Variants in SH3RF2 observed in about 807,000 individuals in gnomAD.
The protein encoded by SH3RF2 is SH3 domain containing ring finger 2.
In SH3RF2, 43 loss-of-function variants were observed where a neutral mutation model predicts 59.0. The observed-to-expected ratio is 0.73, with a 90% CI of 0.57 to 0.94. The LOEUF is 0.94. Among genes scored for constraint, SH3RF2 ranks in the 40% least tolerant of loss-of-function variants. SH3RF2 has a pLI of 0.00. For missense variants in SH3RF2, 930 were observed against 940.1 expected (o/e 0.99, Z 0.14); for synonymous variants, 391 against 391.5 (o/e 1.00, Z 0.01).
At chr5:146,021,792 G>C (rs962846517) in intron 5 of SH3RF2, among the ~76,000 whole-genome samples, 1 of 152,104 alleles carries the variant, frequency 6.6e-6, no homozygotes, top group Non-Finnish European at 1.5e-5. Context: ...GAGAAACCAT[G>C]GCAGTCTTAG....
chr5:146,070,728 A>C (rs1159020130), intron 9 of SH3RF2, among the ~76,000 whole-genome samples: 3 of 152,202 alleles, frequency 2.0e-5, no homozygotes, highest in African/African-American at 7.2e-5. Flanking sequence ...ATCTTCTTCC[A>C]GTGTTCCTTG....
intron 5 of SH3RF2, among the ~76,000 whole-genome samples, chr5:146,026,950 C>CTGT (rs1191699475): frequency 6.6e-6 from 1 of 152,188 alleles, no homozygotes; most frequent in East Asian, 1.9e-4. Context: ...AATGTTCACT[C>CTGT]TGTTGTTATT....
Position 145,997,221 on chromosome 5 carries a change from G to A in SH3RF2, c.379-2837G>A, listed in dbSNP as rs530580636. On this transcript the variant is annotated intron_variant, in intron 2 of 9. Transcript: ENST00000359120. ...CAGATTTTCACCCTGCTAGTAGATGGGAAAACTGACAACCATGCCTGCAAG... is the reference window on the plus strand; with the variant it reads ...CAGATTTTCACCCTGCTAGTAGATGAGAAAACTGACAACCATGCCTGCAAG... 3.2e-5 allele frequency: 28 copies of A among 883,538 alleles called. No homozygotes were observed. In the Admixed American group the frequency reaches 4.0e-4, roughly 13 times the overall value. 54.7% of individuals were successfully genotyped at this position (883,538 alleles called of 1,614,324 possible). A position where few individuals can be genotyped will look rare whatever the true frequency, so the allele number is the denominator to read the frequency against.
At chr5:145,956,535 C>A (rs1021500264) in intron 2 of SH3RF2, among the ~76,000 whole-genome samples, 6 of 152,200 alleles carry the variant, frequency 3.9e-5, no homozygotes, top group Non-Finnish European at 7.3e-5. Context: ...CTCAGCCCCC[C>A]AAAGTGCTGG....
intron 2 of SH3RF2, among the ~76,000 whole-genome samples, chr5:145,939,130 T>C (rs1757713431): frequency 6.6e-6 from 1 of 152,184 alleles, no homozygotes; most frequent in Admixed American, 6.5e-5. Context: ...TGTGGGATAA[T>C]GTGTAAGGGC....
At chr5:146,058,444 C>T (rs1174842998) in intron 8 of SH3RF2, among the ~76,000 whole-genome samples, 1 of 152,190 alleles carries the variant, frequency 6.6e-6, no homozygotes, top group Non-Finnish European at 1.5e-5. Flanking sequence ...AAGGGTCACA[C>T]TTGTGTAGAT....
chr5:146,020,092 TTC>T (rs1001534925), intron 5 of SH3RF2, among the ~76,000 whole-genome samples: 15 of 152,176 alleles, frequency 9.9e-5, no homozygotes, highest in African/African-American at 3.1e-4. Context: ...TGCCCTTTAT[TTC>T]TTTCTCTTGC....
chr5:146,004,162 G>C lies in SH3RF2; in HGVS notation c.744+9G>C, dbSNP rs942028331. ...CTATCTTGTTTGTAGAGGTACGTGA[G>C]TATCAAGTCTACATCTGATTTACGC... On this transcript the variant is annotated intron_variant, in intron 4 of 9. Transcript: ENST00000359120. The C allele has an allele frequency of 6.2e-7, 1 of 1,604,586 alleles. No individual in the cohort carries two copies. The highest frequency in any genetic ancestry group is 1.3e-5 in the African/African-American group (1 of 74,686).
chr5:145,949,554 C>A lies in SH3RF2; in HGVS notation c.378+11248C>A, dbSNP rs527283749. On this transcript the variant is annotated intron_variant, in intron 2 of 9. Coordinates refer to ENST00000359120, the MANE Select transcript of SH3RF2 (RefSeq NM_152550.4). ...GAAGAGAAAACTTCCCTTCCCAGCT[C>A]TCTGGAGAAGCAGGAGAGGTAATCT... Among the ~76,000 whole-genome samples the A allele has an allele frequency of 4.3e-4, 65 of 152,318 alleles. 1 individual carries two copies. In the South Asian group the frequency reaches 0.012, roughly 28 times the overall value.
chr5:146,044,726 C>T (rs1762246919), intron 5 of SH3RF2, among the ~76,000 whole-genome samples: 1 of 152,124 alleles, frequency 6.6e-6, no homozygotes, highest in Admixed American at 6.5e-5. Context: ...CTATGCCATT[C>T]TCAGGGTCTT....
chr5:146,005,453 T>A (rs186408607), intron 4 of SH3RF2, among the ~76,000 whole-genome samples: 1 of 152,234 alleles, frequency 6.6e-6, no homozygotes, highest in East Asian at 1.9e-4. Flanking sequence ...AGCAACCAAT[T>A]CTTCTAGTCA....
At chr5:146,069,982 G>GA (rs11430700) in intron 9 of SH3RF2, among the ~76,000 whole-genome samples, 91,338 of 142,952 alleles carry the variant, frequency 0.64, 29,375 homozygotes, top group Middle Eastern at 0.78. Context: ...AATGGAAACT[G>GA]AAAAAAAAAA....
At chr5:145,965,946 G>A (rs909057364) in intron 2 of SH3RF2, among the ~76,000 whole-genome samples, 1 of 152,338 alleles carries the variant, frequency 6.6e-6, no homozygotes, top group African/African-American at 2.4e-5. Context: ...AGTGAAGGAT[G>A]AGTCTGAACG....
intron 9 of SH3RF2, among the ~76,000 whole-genome samples, chr5:146,070,780 G>T (rs544522914): frequency 6.6e-6 from 1 of 152,186 alleles, no homozygotes; most frequent in Non-Finnish European, 1.5e-5. Context: ...CTTTTGGGGG[G>T]TAGATACACA....
chr5:145,963,749 A>C (rs1274968823), intron 2 of SH3RF2, among the ~76,000 whole-genome samples: 2 of 152,056 alleles, frequency 1.3e-5, no homozygotes, highest in East Asian at 3.9e-4. Context: ...AACTTTCTGC[A>C]ACCCTGTCCC....
At chr5:146,010,768 T>A (rs532999746) in intron 4 of SH3RF2, among the ~76,000 whole-genome samples, 1 of 152,338 alleles carries the variant, frequency 6.6e-6, no homozygotes, top group South Asian at 2.1e-4. Context: ...CATTGTAGAT[T>A]CTGGATATTA....
rs1262458580 is a variant in SH3RF2 at position 146,056,028 on chromosome 5, C to A, written c.1370C>A (p.Thr457Lys). 11 of 1,614,244 alleles carry A rather than the reference C, an allele frequency of 6.8e-6. No individual in the cohort carries two copies. Among genetic ancestry groups the A allele is most frequent in the Non-Finnish European group, 9.3e-6 (11 of 1,180,054 alleles). Residue 457 changes from threonine to lysine, a missense_variant, in exon 8 of 10, where the codon ACA becomes AAA. Physicochemically the swap from Thr to Lys is moderately conservative, Grantham distance 78. Transcript: ENST00000359120. ...TCCCGGAGCCCTGGTCTCTACACCA[C>A]ATGGACGTTATCCACCTCCTCTGTG... The part of the protein sequence containing the change: ...PDSRSPGLYT[T>K]WTLSTSSVSS...
intron 4 of SH3RF2, among the ~76,000 whole-genome samples, chr5:146,004,762 G>T (rs949186311): frequency 6.6e-6 from 1 of 151,998 alleles, no homozygotes; most frequent in African/African-American, 2.4e-5. Flanking sequence ...ATTATGGAAA[G>T]ATTTATGATT....
chr5:145,996,707 G>T (rs777526814), intron 2 of SH3RF2, among the ~76,000 whole-genome samples: 4 of 152,154 alleles, frequency 2.6e-5, no homozygotes, highest in Non-Finnish European at 5.9e-5. Flanking sequence ...CCCAGAAAGA[G>T]TCACTGACTC....
Sources: gnomAD v4.1 joint callset for allele counts (sites outside exome capture counted in the v4.1 genomes callset) on GRCh38, gnomAD v4.1.1 for gene constraint, MANE v1.5 for transcripts, NCBI Gene and HGNC (gene_info 2026-07-23, HGNC 2026-07-21) for gene names.